The following PPFIA2 variants were observed in gnomAD, a reference collection of about 807,000 sequenced individuals.
The protein encoded by PPFIA2 is PPFI scaffold protein A2, also known as liprin-alpha-2.
In PPFIA2, 46 loss-of-function variants were observed where a neutral mutation model predicts 175.5. The observed-to-expected ratio is 0.26, with a 90% CI of 0.21 to 0.34. The LOEUF is 0.34. PPFIA2 is among the 10% of genes least tolerant of loss of function. The pLI is 1.00. For missense variants in PPFIA2, 1,179 were observed against 1,506.1 expected (o/e 0.78, Z 3.60); for synonymous variants, 568 against 511.4 (o/e 1.11, Z -1.49).
chr12:81,396,376 T>C (rs2041137283), intron 8 of PPFIA2, among the ~76,000 whole-genome samples: 1 of 152,076 alleles, frequency 6.6e-6, no homozygotes, highest in Non-Finnish European at 1.5e-5. Context: ...AATACATTAC[T>C]ATGTTAGAAT....
intron 3 of PPFIA2, among the ~76,000 whole-genome samples, chr12:81,721,774 T>G (rs1327921546): frequency 2.0e-5 from 3 of 151,244 alleles, no homozygotes; most frequent in Non-Finnish European, 4.4e-5. Context: ...CATTTTTTAG[T>G]CACATAAAAC....
intron 8 of PPFIA2, among the ~76,000 whole-genome samples, chr12:81,395,044 G>A (rs1211716168): frequency 6.6e-6 from 1 of 151,960 alleles, no homozygotes; most frequent in African/African-American, 2.4e-5. Context: ...AGGAAGAGAA[G>A]AGAAAAGTAA....
chr12:81,470,199 C>T (rs2056479458), intron 4 of PPFIA2, among the ~76,000 whole-genome samples: 1 of 152,102 alleles, frequency 6.6e-6, no homozygotes, highest in African/African-American at 2.4e-5. Context: ...TGATAAAGGG[C>T]TGGTTGTCAA....
intron 4 of PPFIA2, among the ~76,000 whole-genome samples, chr12:81,473,639 AC>A (rs1447792624): frequency 6.6e-6 from 1 of 152,086 alleles, no homozygotes; most frequent in Non-Finnish European, 1.5e-5. Flanking sequence ...CTACTTAATA[AC>A]CCAAACTGGC....
At chr12:81,451,454 G>A (rs1015905961) in intron 5 of PPFIA2, among the ~76,000 whole-genome samples, 17 of 152,126 alleles carry the variant, frequency 1.1e-4, no homozygotes, top group East Asian at 3.9e-4. Context: ...CAGAGGCTGC[G>A]TGTTTCTGGG....
chr12:81,598,316 G>A (rs925268873), intron 4 of PPFIA2: 8 of 1,166,028 alleles, frequency 6.9e-6, no homozygotes, highest in African/African-American at 1.6e-5. Flanking sequence ...AAGAACCAAC[G>A]ATAAATGGAG....
At chr12:81,710,392 T>C (rs767127366) in intron 3 of PPFIA2, among the ~76,000 whole-genome samples, 1 of 152,004 alleles carries the variant, frequency 6.6e-6, no homozygotes, top group Non-Finnish European at 1.5e-5. Flanking sequence ...TAAAATATTT[T>C]ATATTTCCAA....
At chr12:81,636,505 T>G (rs1374261600) in intron 4 of PPFIA2, among the ~76,000 whole-genome samples, 7 of 150,714 alleles carry the variant, frequency 4.6e-5, no homozygotes, top group Admixed American at 2.0e-4. Flanking sequence ...GACCTCGTGA[T>G]CCGCCCGCCT....
intron 4 of PPFIA2, among the ~76,000 whole-genome samples, chr12:81,589,601 T>C (rs1315406076): frequency 3.9e-5 from 6 of 152,134 alleles, no homozygotes; most frequent in Admixed American, 2.6e-4. Flanking sequence ...GGAAATTACA[T>C]AGTTTAGAAT....
intron 4 of PPFIA2, among the ~76,000 whole-genome samples, chr12:81,550,371 A>G (rs2067712151): frequency 6.6e-6 from 1 of 152,018 alleles, no homozygotes; most frequent in Non-Finnish European, 1.5e-5. Context: ...GATCCAGGGA[A>G]AACATTTGTC....
At chr12:81,471,813 C>A (rs1196853358) in intron 4 of PPFIA2, among the ~76,000 whole-genome samples, 1 of 151,988 alleles carries the variant, frequency 6.6e-6, no homozygotes, top group African/African-American at 2.4e-5. Context: ...CATTTGTTTT[C>A]TTTTGCTTTT....
At chr12:81,464,088 C>T (rs548011065) in intron 4 of PPFIA2, among the ~76,000 whole-genome samples, 81 of 152,028 alleles carry the variant, frequency 5.3e-4, no homozygotes, top group Non-Finnish European at 1.1e-3. Context: ...AGGGTCTCAC[C>T]TGTCTTTAAA....
intron 5 of PPFIA2, among the ~76,000 whole-genome samples, chr12:81,454,242 T>G (rs146242322): frequency 6.6e-6 from 1 of 151,948 alleles, no homozygotes; most frequent in African/African-American, 2.4e-5. Flanking sequence ...AAGAAAAAAA[T>G]AAATTTGAAC....
intron 4 of PPFIA2, 108 bp from the exon 5 acceptor site, chr12:81,457,974 G>C: frequency 1.5e-6 from 1 of 683,964 alleles, no homozygotes. Flanking sequence ...TGACCCCACT[G>C]ACTGGTCAAC....
At chr12:81,328,688 G>T (rs2055376783) in intron 21 of PPFIA2, among the ~76,000 whole-genome samples, 1 of 152,146 alleles carries the variant, frequency 6.6e-6, no homozygotes, top group South Asian at 2.1e-4. Context: ...GTTTGTGTAT[G>T]TTGAGGGAGG....
intron 19 of PPFIA2, among the ~76,000 whole-genome samples, chr12:81,342,647 C>A (rs2058323296): frequency 6.6e-6 from 1 of 151,920 alleles, no homozygotes. Context: ...CTGTGGAAAA[C>A]CTTTTTAAAC....
At chr12:81,666,219 T>A (rs2070232453) in intron 4 of PPFIA2, among the ~76,000 whole-genome samples, 2 of 152,192 alleles carry the variant, frequency 1.3e-5, no homozygotes, top group Non-Finnish European at 2.9e-5. Flanking sequence ...CTCAAGGATC[T>A]AGAACTAGAA....
chr12:81,619,742 C>T (rs2061820455), intron 4 of PPFIA2, among the ~76,000 whole-genome samples: 1 of 152,132 alleles, frequency 6.6e-6, no homozygotes, highest in Admixed American at 6.5e-5. Context: ...AAAATGTAAG[C>T]TTTAGCTACT....
intron 3 of PPFIA2, among the ~76,000 whole-genome samples, chr12:81,730,614 G>T (rs2153639322): frequency 6.6e-6 from 1 of 151,686 alleles, no homozygotes; most frequent in Admixed American, 6.6e-5. Context: ...ATAATTTGAG[G>T]TGAGATTTGG....
Sources: allele counts gnomAD v4.1 joint callset (sites outside exome capture counted in the v4.1 genomes callset), GRCh38; gene constraint gnomAD v4.1.1; transcripts MANE v1.5; gene names NCBI Gene and HGNC (gene_info 2026-07-23, HGNC 2026-07-21).